Variants in LSP1 observed in about 807,000 individuals in gnomAD.
LSP1 encodes lymphocyte-specific protein 1.
A neutral mutation model predicts 49.3 loss-of-function variants in LSP1; 32 were observed. That is an observed-to-expected ratio of 0.65 (90% CI 0.49 to 0.87). LSP1 has a LOEUF of 0.87. Among genes scored for constraint, LSP1 ranks in the 40% least tolerant of loss-of-function variants. The pLI is 0.00. For missense variants in LSP1, 428 were observed against 442.6 expected (o/e 0.97, Z 0.30); for synonymous variants, 179 against 178.8 (o/e 1.00, Z -0.01).
chr11:1,887,926 G>A (rs1452597129), intron 10 of LSP1, among the ~76,000 whole-genome samples: 1 of 152,172 alleles, frequency 6.6e-6, no homozygotes, highest in Non-Finnish European at 1.5e-5. Context: ...GAAGGAAGCA[G>A]GTGGCATGGA....
chr11:1,874,121 G>GGACAGTGGGGGCAGGCCGGA (rs71025789), intron 1 of LSP1, among the ~76,000 whole-genome samples: 10,578 of 34,178 alleles, frequency 0.31, 4,222 homozygotes, highest in East Asian at 0.62. Context: ...GGGAGGCTGG[G>GGACAGTGGGGGCAGGCCGGA]GACAGTGGGG....
At chr11:1,887,335 G>A (rs370371570) in intron 9 of LSP1, 21 bp downstream of exon 9, 160 of 1,604,370 alleles carry the variant, frequency 1.0e-4, no homozygotes, top group Non-Finnish European at 1.3e-4. Flanking sequence ...AATGTGGTTG[G>A]TGCAGGCAGG....
chr11:1,867,777 A>G (rs1415748265), intron 1 of LSP1, among the ~76,000 whole-genome samples: 1 of 152,174 alleles, frequency 6.6e-6, no homozygotes, highest in African/African-American at 2.4e-5. Flanking sequence ...TACATCCATT[A>G]AAAATGGTGC....
intron 1 of LSP1, among the ~76,000 whole-genome samples, chr11:1,855,145 C>A (rs1477519819): frequency 6.6e-6 from 1 of 152,216 alleles, no homozygotes; most frequent in Admixed American, 6.5e-5. Context: ...CGCAGCCAAG[C>A]CTGACCTTTC....
chr11:1,878,730 G>A (rs185653486), intron 1 of LSP1, among the ~76,000 whole-genome samples: 7 of 152,250 alleles, frequency 4.6e-5, no homozygotes, highest in Admixed American at 1.3e-4. Flanking sequence ...GACCCCAGTG[G>A]GGAGACCCCA....
In LSP1 at chr11:1,866,323, C is replaced by T. The variant is rs968369251; in HGVS notation, c.53+13126C>T. The T allele has an allele frequency of 3.8e-5, 26 of 680,036 alleles. 1 individual carries two copies. Among genetic ancestry groups the T allele is most frequent in the Admixed American group, 9.9e-5 (3 of 30,186 alleles). 42.1% of individuals were successfully genotyped at this position (680,036 alleles called of 1,614,324 possible). A position where few individuals can be genotyped will look rare whatever the true frequency, so the allele number is the denominator to read the frequency against. On this transcript the variant is annotated intron_variant, in intron 1 of 10. Transcript: ENST00000311604. ...CATCGGTCGGCTTGCCACTGCCCACCCAGGCCAGGCACTCAGTGCTGAGAC... is the reference window on the plus strand; with the variant it reads ...CATCGGTCGGCTTGCCACTGCCCACTCAGGCCAGGCACTCAGTGCTGAGAC...
chr11:1,860,295 TGATG>T (rs55925827), intron 1 of LSP1, among the ~76,000 whole-genome samples: 8 of 151,086 alleles, frequency 5.3e-5, no homozygotes, highest in Non-Finnish European at 7.4e-5. Context: ...GATAATTGAA[TGATG>T]GATGGATGGG....
rs139499684 is a variant in LSP1, at chr11:1,873,351, C to A, written c.54-6736C>A. 4.1e-3 allele frequency among the ~76,000 whole-genome samples: 622 copies of A among 152,204 alleles called. 1 individual carries two copies. Among genetic ancestry groups the A allele is most frequent in the African/African-American group, 0.014 (568 of 41,514 alleles). On this transcript the variant is annotated intron_variant, in intron 1 of 10. Coordinates refer to ENST00000311604, the MANE Select transcript of LSP1 (RefSeq NM_002339.3). ...GCCCCTCCTTTGAGAGACTTCCTGC[C>A]AGCTCCCCTCTGTGCTTCTTGATCC...
intron 1 of LSP1, among the ~76,000 whole-genome samples, chr11:1,866,215 C>A (rs552440583): frequency 1.3e-5 from 2 of 152,346 alleles, no homozygotes; most frequent in African/African-American, 4.8e-5. Context: ...TTCTTCCTAA[C>A]CTGGAGGGCT....
chr11:1,856,420 G>T (rs921733676), intron 1 of LSP1, among the ~76,000 whole-genome samples: 2 of 152,226 alleles, frequency 1.3e-5, no homozygotes, highest in Admixed American at 1.3e-4. Flanking sequence ...TCACCCAACC[G>T]CCCTGCTCCT....
chr11:1,863,766 G>T (rs1349405627), intron 1 of LSP1, among the ~76,000 whole-genome samples: 3 of 152,220 alleles, frequency 2.0e-5, no homozygotes. Flanking sequence ...CGCGGGCAAG[G>T]GGGGCCTGGC....
rs546034318 is a variant in LSP1 at position 1,868,427 on chromosome 11, C to T, written c.54-11660C>T. 3.3e-3 allele frequency among the ~76,000 whole-genome samples: 500 copies of T among 152,354 alleles called. 2 individuals are homozygous for T. The highest frequency in any genetic ancestry group is 4.1e-3 in the Non-Finnish European group (282 of 68,034). On this transcript the variant is annotated intron_variant, in intron 1 of 10. Coordinates refer to ENST00000311604, the MANE Select transcript of LSP1 (RefSeq NM_002339.3). ...CACATATACAGATGTGGCAGCCACACCGTGCTTGGCTCTCCGCAGGGCTCT... is the reference window on the plus strand; with the variant it reads ...CACATATACAGATGTGGCAGCCACATCGTGCTTGGCTCTCCGCAGGGCTCT...
rs866361186 is a variant in LSP1, at chr11:1,883,549, G to A, written c.487G>A (p.Glu163Lys). The A allele has an allele frequency of 6.2e-7, 1 of 1,611,392 alleles. No individual in the cohort carries two copies. Among genetic ancestry groups the A allele is most frequent in the South Asian group, 1.1e-5 (1 of 90,918 alleles). Residue 163 changes from glutamate to lysine, a missense_variant, in exon 4 of 11, where the codon GAA (glutamate) becomes AAA (lysine). Glu to Lys is a moderately conservative substitution (Grantham distance 56, BLOSUM62 1). Coordinates refer to ENST00000311604, the MANE Select transcript of LSP1 (RefSeq NM_002339.3). Reference protein sequence around the residue: ...DNLGAAGAEEEQEEHQKCQQP... With the variant: ...DNLGAAGAEEKQEEHQKCQQP... Reference sequence around the variant, plus strand: ...CCTGGGGGCCGCAGGGGCTGAGGAGGAACAGGAGGAGGTGATGGCTCCACC... The same window carrying A: ...CCTGGGGGCCGCAGGGGCTGAGGAGAAACAGGAGGAGGTGATGGCTCCACC...
intron 1 of LSP1, among the ~76,000 whole-genome samples, chr11:1,873,641 AAGG>A (rs1848140258): frequency 6.6e-6 from 1 of 150,854 alleles, no homozygotes; most frequent in African/African-American, 2.4e-5. Flanking sequence ...AGAAGAATGG[AAGG>A]AGGAGGGAGG....
intron 1 of LSP1, chr11:1,876,653 G>A: frequency 3.0e-6 from 3 of 984,602 alleles, no homozygotes; most frequent in Non-Finnish European, 3.6e-6. Flanking sequence ...GAGGTGGGTA[G>A]CTGGGAGTGC....
intron 10 of LSP1, chr11:1,889,718 A>G (rs1237127076): frequency 3.1e-6 from 2 of 650,304 alleles, no homozygotes; most frequent in Non-Finnish European, 5.6e-6. Flanking sequence ...GCTCTCTGCC[A>G]GGGCCCATGG....
At chr11:1,886,621 C>T (rs1001463134) in intron 7 of LSP1, 111 bp from the exon 8 acceptor site, 67 of 1,278,010 alleles carry the variant, frequency 5.2e-5, no homozygotes, top group African/African-American at 3.2e-4. Flanking sequence ...ATTGGGAAAG[C>T]GCTCCCAGGG....
intron 1 of LSP1, 97 bp from the exon 2 acceptor site, chr11:1,879,990 G>T: frequency 1.4e-6 from 2 of 1,457,278 alleles, no homozygotes; most frequent in East Asian, 2.4e-5. Context: ...TGCCTGCACC[G>T]TGTGGCCCCA....
intron 1 of LSP1, among the ~76,000 whole-genome samples, chr11:1,878,342 C>A (rs562454739): frequency 6.6e-6 from 1 of 152,218 alleles, no homozygotes; most frequent in African/African-American, 2.4e-5. Flanking sequence ...CCCAGCCATG[C>A]GGAGGCCGGC....
Sources: gnomAD v4.1 joint callset for allele counts (sites outside exome capture counted in the v4.1 genomes callset) on GRCh38, gnomAD v4.1.1 for gene constraint, MANE v1.5 for transcripts, NCBI Gene and HGNC (gene_info 2026-07-23, HGNC 2026-07-21) for gene names.